SMG5: variants seen among roughly 807,000 people sequenced by gnomAD.
SMG5 encodes the protein SMG5 nonsense mediated mRNA decay factor.
A neutral mutation model predicts 122.9 loss-of-function variants in SMG5; 53 were observed. The ratio of observed to expected loss-of-function variants is 0.43; its 90% CI spans 0.35 to 0.54. The LOEUF (loss-of-function observed/expected upper bound fraction) is 0.54. Among genes scored for constraint, SMG5 ranks in the 20% least tolerant of loss-of-function variants. The pLI is 0.01. For synonymous variants in SMG5, 477 were observed against 490.2 expected (o/e 0.97, Z 0.35); for missense variants, 1,153 against 1,285.6 (o/e 0.90, Z 1.58).
Position 156,249,491 on chromosome 1 carries a change from C to T in SMG5, c.*1096G>A. 2.9e-6 allele frequency: 1 copy of T among 347,394 alleles called. No homozygotes were observed. Among genetic ancestry groups the T allele is most frequent in the South Asian group, 2.2e-5 (1 of 45,658 alleles). The allele number at this position is 347,394 out of a possible 1,614,324, so 21.5% of individuals were successfully genotyped here. On this transcript the variant is annotated 3_prime_UTR_variant, in exon 22 of 22. Transcript: ENST00000361813. ...GGAGCTGAGGCAATCCTGGCTGCAGCCTCCCACACACAGCCCTGCTCTTGG... is the reference window on the plus strand; with the variant it reads ...GGAGCTGAGGCAATCCTGGCTGCAGTCTCCCACACACAGCCCTGCTCTTGG...
chr1:156,271,952 C>T (rs1042382172), intron 7 of SMG5, among the ~76,000 whole-genome samples: 2 of 152,118 alleles, frequency 1.3e-5, no homozygotes, highest in African/African-American at 4.8e-5. Flanking sequence ...AGTGACCCAC[C>T]CTGCTGGTCC....
At chr1:156,253,530 G>GT (rs1445837273) in intron 16 of SMG5, 22 bp from the exon 17 acceptor site, 24 of 1,612,992 alleles carry the variant, frequency 1.5e-5, no homozygotes, top group Non-Finnish European at 2.0e-5. Flanking sequence ...AAAATGAGCT[G>GT]TAAGGAGTTG....
chr1:156,253,551 TC>T, intron 16 of SMG5, 43 bp from the exon 17 acceptor site: 1 of 1,590,476 alleles, frequency 6.3e-7, no homozygotes, highest in South Asian at 1.1e-5. Flanking sequence ...GGGTGTATTT[TC>T]CCTTCTCCAG....
At chr1:156,276,603 G>T (rs1347092838) in intron 4 of SMG5, among the ~76,000 whole-genome samples, 1 of 152,220 alleles carries the variant, frequency 6.6e-6, no homozygotes, top group Non-Finnish European at 1.5e-5. Flanking sequence ...CTGAACTGAA[G>T]AGAAAACTTA....
intron 16 of SMG5, among the ~76,000 whole-genome samples, chr1:156,256,594 G>C (rs1214276411): frequency 6.6e-6 from 1 of 152,198 alleles, no homozygotes; most frequent in Admixed American, 6.5e-5. Flanking sequence ...CAGAGAACTA[G>C]TGTAGGTGAG....
At chr1:156,282,507 C>T in intron 1 of SMG5, 100 bp downstream of exon 1, 1 of 1,341,230 alleles carries the variant, frequency 7.5e-7, no homozygotes, top group Non-Finnish European at 1.0e-6. Context: ...CTCACCCGCA[C>T]CTCACCCCGA....
rs778597041 is a variant in SMG5 at position 156,274,664 on chromosome 1, G to A, written c.477C>T (p.Ala159=). ...PLIGCKKPVS[A]SGKEMDWAQM... ...GTGCCCAATCCATCTCCTTCCCTGA[G>A]GCAGACACTGGCTTCTTGCATCCTA... The change falls in exon 5 of 22, where the codon GCC becomes GCT. Residue 159 remains alanine, a synonymous_variant. Coordinates refer to ENST00000361813, the MANE Select transcript of SMG5 (RefSeq NM_015327.3). 18 of 1,613,908 alleles carry A rather than the reference G, an allele frequency of 1.1e-5. No individual in the cohort carries two copies. The highest frequency in any genetic ancestry group is 1.5e-5 in the Non-Finnish European group (18 of 1,179,878).
intron 15 of SMG5, 93 bp from the exon 16 acceptor site, chr1:156,259,256 C>A (rs1021040702): frequency 1.6e-5 from 21 of 1,343,836 alleles, no homozygotes; most frequent in Non-Finnish European, 2.1e-5. Flanking sequence ...CTCCCACCTC[C>A]CTGCTGGCCC....
At chr1:156,263,314 G>A (rs1447072326) in intron 13 of SMG5, 81 bp downstream of exon 13, 2 of 1,468,390 alleles carry the variant, frequency 1.4e-6, no homozygotes, top group Non-Finnish European at 9.3e-7. Context: ...CCATCAGGGG[G>A]GATCCTCAGG....
At chr1:156,287,716 A>G (rs1478235070), upstream of SMG5, among the ~76,000 whole-genome samples, 1 of 150,272 alleles carries the variant, frequency 6.7e-6, no homozygotes, top group Non-Finnish European at 1.5e-5. Flanking sequence ...TACTGGGTTC[A>G]AGCGATTCTC....
chr1:156,266,398 T>TCAGGTGGAGCCCGAGGAA lies in SMG5; in HGVS notation c.1256-36_1256-19dup. On this transcript the variant is annotated intron_variant, in intron 11 of 21. Coordinates refer to ENST00000361813, the MANE Select transcript of SMG5 (RefSeq NM_015327.3). ...TGGTTCATCTGCGGAAAGAGGAAGG[T>TCAGGTGGAGCCCGAGGAA]CAGGTGGAGCCCGAGGAACAGGTGG... 6.2e-7 allele frequency: 1 copy of TCAGGTGGAGCCCGAGGAA among 1,606,928 alleles called. No homozygotes were observed. Among genetic ancestry groups the TCAGGTGGAGCCCGAGGAA allele is most frequent in the Non-Finnish European group, 8.5e-7 (1 of 1,175,262 alleles).
chr1:156,265,723 T>G, intron 12 of SMG5, 58 bp downstream of exon 12: 1 of 1,565,378 alleles, frequency 6.4e-7, no homozygotes, highest in Non-Finnish European at 8.7e-7. Context: ...GCCTCTCTGG[T>G]GAGTGTCTAT....
At chr1:156,288,175 G>GTCTGCAGTC in the SMG5 span, among the ~76,000 whole-genome samples, 1 of 148,466 alleles carries the variant, frequency 6.7e-6, no homozygotes, top group Admixed American at 6.7e-5. Flanking sequence ...TCTGGCCTGG[G>GTCTGCAGTC]TGAAAGAGTG....
chr1:156,265,246 A>C (rs1662072648), intron 12 of SMG5, among the ~76,000 whole-genome samples: 2 of 92,644 alleles, frequency 2.2e-5, no homozygotes, highest in Admixed American at 2.8e-4. Context: ...AAAACTTTGG[A>C]AGTAAAAGAC....
At position 156,250,455 on chromosome 1, in the gene SMG5, G is replaced by A; in HGVS notation, c.*132C>T. On this transcript the variant is annotated 3_prime_UTR_variant, in exon 22 of 22. Transcript: ENST00000361813. ...CCTGGGCCCTCCCTGCAGCCTCTGA[G>A]CAGCTAGGCCTCCCTCCTGTGTGCG... The A allele has an allele frequency of 1.2e-6, 1 of 803,260 alleles. No homozygotes were observed. The highest frequency in any genetic ancestry group is 2.1e-6 in the Non-Finnish European group (1 of 476,560). 49.8% of individuals were successfully genotyped at this position (803,260 alleles called of 1,614,324 possible). A position where few individuals can be genotyped will look rare whatever the true frequency, so the allele number is the denominator to read the frequency against.
intron 10 of SMG5, 142 bp from the exon 11 acceptor site, chr1:156,266,820 CTT>C: frequency 9.9e-7 from 1 of 1,014,334 alleles, no homozygotes; most frequent in Non-Finnish European, 1.4e-6. Context: ...TTTTTTTTAA[CTT>C]TTTAGAGACA....
intron 12 of SMG5, among the ~76,000 whole-genome samples, chr1:156,264,600 T>C (rs1441409807): frequency 1.3e-5 from 2 of 152,118 alleles, no homozygotes; most frequent in Non-Finnish European, 2.9e-5. Flanking sequence ...AAATCTAACA[T>C]ACCCTTGAAG....
At chr1:156,287,909 C>T in the SMG5 span, among the ~76,000 whole-genome samples, 1 of 152,102 alleles carries the variant, frequency 6.6e-6, no homozygotes, top group African/African-American at 2.4e-5. Context: ...TGAGCCACTG[C>T]GCCTGGCCCT....
Position 156,250,514 on chromosome 1 carries a change from G to A in SMG5, c.*73C>T, listed in dbSNP as rs1661299573. 3.0e-6 allele frequency: 4 copies of A among 1,321,834 alleles called. No homozygotes were observed. The highest frequency in any genetic ancestry group is 3.4e-5 in the Admixed American group (2 of 59,420). The allele number at this position is 1,321,834 out of a possible 1,614,324, so 81.9% of individuals were successfully genotyped here. A position where few individuals can be genotyped will look rare whatever the true frequency, so the allele number is the denominator to read the frequency against. On this transcript the variant is annotated 3_prime_UTR_variant, in exon 22 of 22. Transcript: ENST00000361813. ...TCTGCGTGTGGTGGGGTGACTACAGGTGCTGGTCCTGGCTGCCAGGGAGGG... is the reference window on the plus strand; with the variant it reads ...TCTGCGTGTGGTGGGGTGACTACAGATGCTGGTCCTGGCTGCCAGGGAGGG...
Sources: gnomAD v4.1 joint callset for allele counts (sites outside exome capture counted in the v4.1 genomes callset) on GRCh38, gnomAD v4.1.1 for gene constraint, MANE v1.5 for transcripts, NCBI Gene and HGNC (gene_info 2026-07-23, HGNC 2026-07-21) for gene names.